SMC3: variants seen among roughly 807,000 people sequenced by gnomAD.
The protein encoded by SMC3 is structural maintenance of chromosomes 3.
SMC3 carries 20 observed loss-of-function variants against 171.8 expected under a neutral mutation model. That is an observed-to-expected ratio of 0.12 (90% CI 0.08 to 0.17). The LOEUF (loss-of-function observed/expected upper bound fraction) is 0.17. SMC3 is among the 10% of genes least tolerant of loss of function. The pLI is 1.00. For synonymous variants in SMC3, 464 were observed against 451.1 expected, an observed-to-expected ratio of 1.03 and a Z score of -0.36; for missense variants, 543 against 1,420.4, an observed-to-expected ratio of 0.38 and a Z score of 9.93.
intron 25 of SMC3, 59 bp from the exon 26 acceptor site, chr10:110,602,411 TTTAC>T: frequency 7.5e-7 from 1 of 1,329,456 alleles, no homozygotes; most frequent in Middle Eastern, 2.6e-4. Context: ...TTTTAAATAT[TTTAC>T]TTAAGTGTTA....
At chr10:110,602,228 C>T (rs199796123) in intron 25 of SMC3, 50 bp downstream of exon 25, 3 of 1,480,360 alleles carry the variant, frequency 2.0e-6, no homozygotes, top group African/African-American at 1.4e-5. Flanking sequence ...CAAAAGCTTC[C>T]AGCTCTTTTC....
At chr10:110,580,671 T>C (rs1378308179) in intron 7 of SMC3, among the ~76,000 whole-genome samples, 1 of 152,232 alleles carries the variant, frequency 6.6e-6, no homozygotes, top group East Asian at 1.9e-4. Flanking sequence ...AAGGAAATGC[T>C]TGTTGGAACA....
At chr10:110,576,119 A>G (rs1860944839) in intron 4 of SMC3, among the ~76,000 whole-genome samples, 1 of 152,212 alleles carries the variant, frequency 6.6e-6, no homozygotes, top group Admixed American at 6.5e-5. Flanking sequence ...ACATTAGCCT[A>G]CAGTTGAGCA....
chr10:110,585,709 G>A (rs1232832865), intron 13 of SMC3, among the ~76,000 whole-genome samples: 1 of 151,078 alleles, frequency 6.6e-6, no homozygotes, highest in Admixed American at 6.6e-5. Flanking sequence ...CTTGACTTTT[G>A]GGACTTGACA....
chr10:110,603,347 T>C (rs185421655), intron 28 of SMC3, 57 bp downstream of exon 28: 14 of 1,118,314 alleles, frequency 1.3e-5, no homozygotes, highest in Admixed American at 3.7e-5. Context: ...ATTTGTTGAA[T>C]TCTGATTTTA....
rs898080592 is a variant in SMC3, at chr10:110,590,106, T to C, written c.1509+115T>C. ...ATGGGTTCCAAGTGATAAATAGGAG[T>C]CCAAATTATCTTCTAAATATGAAAT... On this transcript the variant is annotated intron_variant, in intron 15 of 28. Coordinates refer to ENST00000361804, the MANE Select transcript of SMC3 (RefSeq NM_005445.4). 3.7e-6 allele frequency: 3 copies of C among 803,680 alleles called. No homozygotes were observed. In the African/African-American group the frequency reaches 5.2e-5, roughly 14 times the overall value. 49.8% of individuals were successfully genotyped at this position (803,680 alleles called of 1,614,324 possible).
intron 19 of SMC3, among the ~76,000 whole-genome samples, chr10:110,597,379 A>G (rs1251535806): frequency 2.0e-5 from 3 of 152,150 alleles, no homozygotes; most frequent in East Asian, 3.8e-4. Flanking sequence ...GTGCTTTGGT[A>G]TAAGAAGTAC....
chr10:110,586,646 C>T (rs946022186), intron 13 of SMC3, among the ~76,000 whole-genome samples: 5 of 152,026 alleles, frequency 3.3e-5, no homozygotes, highest in East Asian at 1.9e-4. Flanking sequence ...GATTTTATGG[C>T]GCTGATTTTG....
intron 21 of SMC3, 146 bp from the exon 22 acceptor site, chr10:110,600,289 GAAGA>G (rs1169243802): frequency 1.7e-5 from 10 of 602,086 alleles, no homozygotes; most frequent in South Asian, 6.6e-5. Context: ...AGAGAAAAAT[GAAGA>G]AAGTATAGGG....
At chr10:110,597,854 C>T (rs1215963851) in intron 19 of SMC3, among the ~76,000 whole-genome samples, 2 of 152,206 alleles carry the variant, frequency 1.3e-5, no homozygotes, top group Non-Finnish European at 2.9e-5. Context: ...TTAGATTTCA[C>T]CTAACCTCCT....
chr10:110,599,997 G>C (rs775159108), intron 21 of SMC3, among the ~76,000 whole-genome samples, 185 bp downstream of exon 21: 7 of 151,460 alleles, frequency 4.6e-5, no homozygotes, highest in Non-Finnish European at 1.0e-4. Flanking sequence ...GCTAGGTTAG[G>C]ATTATACAAG....
chr10:110,582,007 C>T lies in SMC3; in HGVS notation c.632C>T (p.Ala211Val). Reference protein sequence around the residue: ...HTLEEEKEELAQYQKWDKMRR... With the variant: ...HTLEEEKEELVQYQKWDKMRR... ...CTAGAGGAAGAAAAGGAAGAACTAG[C>T]TCAGTATCAGAAGTGGGATAAAATG... Residue 211 changes from alanine to valine, a missense_variant, in exon 9 of 29, where the codon GCT becomes GTT. Physicochemically the swap from Ala to Val is moderately conservative, Grantham distance 64. Coordinates refer to ENST00000361804, the MANE Select transcript of SMC3 (RefSeq NM_005445.4). 1 of 1,612,780 alleles carries T rather than the reference C, an allele frequency of 6.2e-7. No homozygotes were observed. Among genetic ancestry groups the T allele is most frequent in the Non-Finnish European group, 8.5e-7 (1 of 1,178,904 alleles).
chr10:110,596,320 GT>G, intron 18 of SMC3, 77 bp from the exon 19 acceptor site: 1 of 1,351,050 alleles, frequency 7.4e-7, no homozygotes, highest in Non-Finnish European at 1.0e-6. Flanking sequence ...AAGCCTGTAG[GT>G]TAGTTTTTTT....
At chr10:110,577,942 A>C (rs1269965115) in intron 6 of SMC3, 28 bp downstream of exon 6, 2 of 1,462,140 alleles carry the variant, frequency 1.4e-6, no homozygotes, top group Admixed American at 3.3e-5. Flanking sequence ...TTTTAAAAAA[A>C]CTGAATATGT....
At chr10:110,577,074 G>T (rs187072479) in intron 4 of SMC3, among the ~76,000 whole-genome samples, 2 of 152,242 alleles carry the variant, frequency 1.3e-5, no homozygotes, top group Non-Finnish European at 1.5e-5. Context: ...AAAGTGGTCT[G>T]TAGAATCATA....
intron 3 of SMC3, among the ~76,000 whole-genome samples, chr10:110,574,211 A>G (rs190144441): frequency 1.2e-3 from 181 of 152,342 alleles, no homozygotes; most frequent in South Asian, 2.1e-3. Flanking sequence ...TTCTAAACCA[A>G]TCATCTTTGT....
chr10:110,594,544 G>C (rs909176220), intron 18 of SMC3, among the ~76,000 whole-genome samples: 2 of 152,064 alleles, frequency 1.3e-5, no homozygotes, highest in African/African-American at 4.8e-5. Flanking sequence ...ATCTCATTTT[G>C]AGGTTAATAA....
chr10:110,581,923 A>G lies in SMC3; in HGVS notation c.548A>G (p.Glu183Gly). The G allele has an allele frequency of 9.3e-6, 15 of 1,613,030 alleles. No homozygotes were observed. The highest frequency in any genetic ancestry group is 1.3e-5 in the Non-Finnish European group (15 of 1,179,088). ...CACCTCTCTCCCCATTTCTTTTAAG[A>G]GGGCAAACGGGAAAAAATCAATGAG... ...EESISLMKETEGKREKINELL... is the reference protein window; with the variant it reads ...EESISLMKETGGKREKINELL... Residue 183 changes from glutamate to glycine, a missense_variant and splice_region_variant, in exon 9 of 29, where the codon GAG (glutamate) becomes GGG (glycine). Glu to Gly is a moderately conservative substitution (Grantham distance 98). Coordinates refer to ENST00000361804, the MANE Select transcript of SMC3 (RefSeq NM_005445.4).
At chr10:110,568,318 A>G (rs3814683) in intron 1 of SMC3, 19,424 of 182,396 alleles carry the variant, frequency 0.11, 1,998 homozygotes, top group African/African-American at 0.28. Flanking sequence ...CACTGCGGGG[A>G]GCCGTTCTTC....
Sources: gnomAD v4.1 joint callset for allele counts (sites outside exome capture counted in the v4.1 genomes callset) on GRCh38, gnomAD v4.1.1 for gene constraint, MANE v1.5 for transcripts, NCBI Gene and HGNC (gene_info 2026-07-23, HGNC 2026-07-21) for gene names.